Variants in HIVEP3 observed in about 807,000 individuals in gnomAD.
The protein encoded by HIVEP3 is HIVEP zinc finger 3.
Under a neutral mutation model 152.8 loss-of-function variants are expected in HIVEP3, and 49 were observed. The ratio of observed to expected loss-of-function variants is 0.32; its 90% CI spans 0.26 to 0.41. The LOEUF is 0.41. HIVEP3 is among the 10% of genes least tolerant of loss of function. The probability of loss-of-function intolerance (pLI) is 1.00; values close to 1 mark genes in which losing one functional copy is unlikely to be tolerated. For missense variants in HIVEP3, 2,790 were observed against 3,103.3 expected, an observed-to-expected ratio of 0.90 and a Z score of 2.40; for synonymous variants, 1,269 against 1,289.0, an observed-to-expected ratio of 0.98 and a Z score of 0.33.
intron 2 of HIVEP3, among the ~76,000 whole-genome samples, chr1:41,642,852 G>C (rs1044203282): frequency 2.6e-5 from 4 of 152,158 alleles, no homozygotes; most frequent in African/African-American, 9.7e-5. Context: ...TGGGGTGTCA[G>C]CCAGGGGCCA....
chr1:41,517,466 G>A (rs16828341), intron 7 of HIVEP3, among the ~76,000 whole-genome samples: 1 of 152,110 alleles, frequency 6.6e-6, no homozygotes, highest in South Asian at 2.1e-4. Context: ...CCACCTAAAA[G>A]GAAATATGAC....
chr1:41,920,815 T>G (rs533484607), upstream of HIVEP3, among the ~76,000 whole-genome samples: 37 of 152,320 alleles, frequency 2.4e-4, no homozygotes, highest in South Asian at 7.5e-3. Flanking sequence ...GGTTAAATGA[T>G]CTTTGTAGTG....
chr1:41,690,721 C>A (rs750143569), intron 2 of HIVEP3, among the ~76,000 whole-genome samples: 5 of 152,208 alleles, frequency 3.3e-5, no homozygotes, highest in African/African-American at 4.8e-5. Flanking sequence ...AGTTCGAGAC[C>A]AGCCTGGCCA....
intron 1 of HIVEP3, among the ~76,000 whole-genome samples, chr1:41,822,267 T>A (rs894056706): frequency 3.9e-5 from 6 of 152,054 alleles, no homozygotes; most frequent in African/African-American, 1.5e-4. Context: ...TGAAGTTGGG[T>A]TCTGAAAGAA....
intron 1 of HIVEP3, among the ~76,000 whole-genome samples, chr1:41,996,285 G>A (rs1341797292): frequency 6.6e-6 from 1 of 151,990 alleles, no homozygotes; most frequent in Non-Finnish European, 1.5e-5. Context: ...CTACTGGAAA[G>A]GCTATAAGGT....
At chr1:41,884,241 C>T (rs1644308231) in intron 1 of HIVEP3, among the ~76,000 whole-genome samples, 1 of 152,212 alleles carries the variant, frequency 6.6e-6, no homozygotes, top group African/African-American at 2.4e-5. Flanking sequence ...CTTGAGATTA[C>T]AGGTGTGAGC....
chr1:41,985,670 CT>C (rs1277889286), intron 1 of HIVEP3, among the ~76,000 whole-genome samples: 1 of 152,142 alleles, frequency 6.6e-6, no homozygotes, highest in African/African-American at 2.4e-5. Flanking sequence ...CTAAATATTT[CT>C]TGTAAGTCCA....
chr1:41,995,138 G>A (rs1418716545), intron 1 of HIVEP3, among the ~76,000 whole-genome samples: 1 of 151,884 alleles, frequency 6.6e-6, no homozygotes, highest in Non-Finnish European at 1.5e-5. Flanking sequence ...ACAAATGAAA[G>A]ATGTTGATCA....
chr1:41,966,015 A>G lies in HIVEP3; in HGVS notation n.120-47491T>C, dbSNP rs142116943. Among the ~76,000 whole-genome samples the G allele has an allele frequency of 8.6e-3, 1,315 of 152,326 alleles. 7 individuals are homozygous for G. Among genetic ancestry groups the G allele is most frequent in the Non-Finnish European group, 0.014 (938 of 68,018 alleles). On this transcript the variant is annotated intron_variant and non_coding_transcript_variant, in intron 1 of 3. Transcript: ENST00000489103. ...GTCACCTACAAGGGAAGCCCATCAGACTAACAGTGGACCTCTCAGCAGAAA... is the reference window on the plus strand; with the variant it reads ...GTCACCTACAAGGGAAGCCCATCAGGCTAACAGTGGACCTCTCAGCAGAAA...
Position 41,897,673 on chromosome 1 carries a change from G to A in HIVEP3, c.-801+20740C>T, listed in dbSNP as rs557151463. Among the ~76,000 whole-genome samples, 212 of 152,266 alleles carry A rather than the reference G, an allele frequency of 1.4e-3. 1 individual carries two copies. Among genetic ancestry groups the A allele is most frequent in the Non-Finnish European group, 2.2e-3 (153 of 68,016 alleles). ...GATATCAAGGGTGATCAGATATTGA[G>A]GATGGAGGATTCTGTCTAAACTGGA... On this transcript the variant is annotated intron_variant, in intron 1 of 8. Transcript: ENST00000372583.
intron 2 of HIVEP3, among the ~76,000 whole-genome samples, chr1:41,675,905 G>A (rs925677682): frequency 3.9e-5 from 6 of 152,198 alleles, no homozygotes; most frequent in Non-Finnish European, 7.4e-5. Context: ...GCCCAGCTCA[G>A]ACACATAATG....
intron 3 of HIVEP3, among the ~76,000 whole-genome samples, chr1:41,625,162 CAAAAAAAAAAAAAAAAAAA>C (rs59268661): frequency 7.0e-5 from 5 of 71,230 alleles, no homozygotes; most frequent in Non-Finnish European, 7.5e-5. Flanking sequence ...GATTCCAACT[CAAAAAAAAAAAAAAAAAAA>C]AAAAAAAAAA....
At chr1:42,030,967 G>T (rs573857440) in intron 1 of HIVEP3, among the ~76,000 whole-genome samples, 1 of 152,256 alleles carries the variant, frequency 6.6e-6, no homozygotes, top group South Asian at 2.1e-4. Context: ...AAAACCAAGT[G>T]TTCTTCACCA....
intron 1 of HIVEP3, among the ~76,000 whole-genome samples, chr1:41,967,437 C>T (rs1335029916): frequency 6.6e-6 from 1 of 152,184 alleles, no homozygotes; most frequent in Non-Finnish European, 1.5e-5. Context: ...GAACAACCTG[C>T]TCCTGAATGA....
chr1:41,748,257 C>T (rs1647102843), intron 1 of HIVEP3, among the ~76,000 whole-genome samples: 1 of 152,178 alleles, frequency 6.6e-6, no homozygotes, highest in African/African-American at 2.4e-5. Context: ...ACTTGTCCCT[C>T]TCTTGTCCAC....
At chr1:41,724,620 T>G (rs772444373) in intron 1 of HIVEP3, among the ~76,000 whole-genome samples, 7 of 152,182 alleles carry the variant, frequency 4.6e-5, no homozygotes, top group Non-Finnish European at 8.8e-5. Flanking sequence ...TCTGAGCTGA[T>G]GCACGGGTAA....
At chr1:41,524,599 TG>T in intron 6 of HIVEP3, 135 bp downstream of exon 6, 2 of 803,140 alleles carry the variant, frequency 2.5e-6, no homozygotes, top group Non-Finnish European at 4.1e-6. Flanking sequence ...GGCACCAAGC[TG>T]GGTGGGAACC....
intron 1 of HIVEP3, among the ~76,000 whole-genome samples, chr1:41,979,159 G>A (rs1292568994): frequency 1.3e-5 from 2 of 152,108 alleles, no homozygotes; most frequent in Non-Finnish European, 2.9e-5. Context: ...ACAAATTCTA[G>A]GGACCCAGCC....
At chr1:42,034,575 C>T (rs1333701387) in intron 1 of HIVEP3, among the ~76,000 whole-genome samples, 1 of 152,136 alleles carries the variant, frequency 6.6e-6, no homozygotes, top group African/African-American at 2.4e-5. Flanking sequence ...AGAGGTTATC[C>T]CTAGGCAGGA....
Sources: gnomAD v4.1 joint callset for allele counts (sites outside exome capture counted in the v4.1 genomes callset) on GRCh38, gnomAD v4.1.1 for gene constraint, MANE v1.5 for transcripts, NCBI Gene and HGNC (gene_info 2026-07-23, HGNC 2026-07-21) for gene names.